The following RC3H2 variants were observed in gnomAD, a reference collection of about 807,000 sequenced individuals.
The protein encoded by RC3H2 is ring finger and CCCH-type domains 2.
A neutral mutation model predicts 133.3 loss-of-function variants in RC3H2; 31 were observed. The ratio of observed to expected loss-of-function variants is 0.23; its 90% CI spans 0.17 to 0.31. The LOEUF (loss-of-function observed/expected upper bound fraction) is 0.31. Among genes scored for constraint, RC3H2 ranks in the 10% least tolerant of loss-of-function variants. The pLI is 1.00. For synonymous variants in RC3H2, 517 were observed against 502.2 expected, an observed-to-expected ratio of 1.03 and a Z score of -0.40; for missense variants, 1,175 against 1,437.2, an observed-to-expected ratio of 0.82 and a Z score of 2.95.
At chr9:122,850,554 T>C (rs899222886) in intron 20 of RC3H2, among the ~76,000 whole-genome samples, 2 of 152,014 alleles carry the variant, frequency 1.3e-5, no homozygotes, top group African/African-American at 4.8e-5. Flanking sequence ...GCGATTCTCC[T>C]GCCTCAGCCT....
chr9:122,856,657 GAGATAAA>G lies in RC3H2; in HGVS notation c.2455-786_2455-780del, dbSNP rs1219434168. Among the ~76,000 whole-genome samples the G allele has an allele frequency of 3.9e-4, 60 of 152,304 alleles. 1 individual carries two copies. The highest frequency in any genetic ancestry group is 1.4e-3 in the African/African-American group (57 of 41,562). ...CAAAAGGAATTCAAAGGAGGCTCTGGAGATAAAGGGGAAATGAATAAATTTTAAAGGG... is the reference window on the plus strand; with the variant it reads ...CAAAAGGAATTCAAAGGAGGCTCTGGGGGGAAATGAATAAATTTTAAAGGG... On this transcript the variant is annotated intron_variant, in intron 13 of 20. Transcript: ENST00000357244.
chr9:122,872,195 T>C (rs758503571), intron 9 of RC3H2, among the ~76,000 whole-genome samples: 12 of 152,252 alleles, frequency 7.9e-5, no homozygotes, highest in Non-Finnish European at 1.8e-4. Flanking sequence ...CACTAAGTTA[T>C]GCAGGCTCCA....
chr9:122,880,735 A>G lies in RC3H2; in HGVS notation c.819T>C (p.Tyr273=), dbSNP rs367552001. Residue 273 remains tyrosine (Y), a synonymous_variant, in exon 6 of 21, where the codon TAT becomes TAC. Transcript: ENST00000357244. ...LMQLKEEFRS[Y]EALRREHDAQ... ...CATCATGTTCTCTGCGTAATGCTTC[A>G]TAACTCCGAAATTCCTCCTTCAGCT... 72 of 1,614,138 alleles carry G rather than the reference A, an allele frequency of 4.5e-5. No individual in the cohort carries two copies. The African/African-American group carries it at 7.7e-4, about 17-fold the overall frequency.
At chr9:122,896,594 A>G (rs1461023457) in intron 2 of RC3H2, among the ~76,000 whole-genome samples, 2 of 152,236 alleles carry the variant, frequency 1.3e-5, no homozygotes, top group Non-Finnish European at 2.9e-5. Flanking sequence ...AAAATCAGGT[A>G]CATTGAAATT....
At chr9:122,864,588 T>G (rs1434998873) in intron 10 of RC3H2, among the ~76,000 whole-genome samples, 1 of 151,672 alleles carries the variant, frequency 6.6e-6, no homozygotes, top group East Asian at 1.9e-4. Context: ...AGCCAGAACT[T>G]GAAAGCCCAG....
Position 122,848,525 on chromosome 9 carries a change from A to C in RC3H2, c.*1102T>G, listed in dbSNP as rs1829914569. On this transcript the variant is annotated 3_prime_UTR_variant, in exon 21 of 21. Coordinates refer to ENST00000357244, the MANE Select transcript of RC3H2 (RefSeq NM_001100588.3). ...ATGAATAAATGTTAGCCACTGTTCT[A>C]CTATTACACAGTTCATAGTCTTATC... The C allele has an allele frequency of 6.6e-6, 1 of 152,200 alleles. No homozygotes were observed. The highest frequency in any genetic ancestry group is 1.5e-5 in the Non-Finnish European group (1 of 68,008). The allele number at this position is 152,200 out of a possible 1,614,324, so 9.4% of individuals were successfully genotyped here.
chr9:122,865,682 T>A (rs1292698916), intron 9 of RC3H2, 25 bp from the exon 10 acceptor site: 1 of 1,588,144 alleles, frequency 6.3e-7, no homozygotes, highest in Non-Finnish European at 8.6e-7. Context: ...ATCAACAGAT[T>A]GGTGAATATT....
chr9:122,846,907 C>CA lies in RC3H2; in HGVS notation c.*2719dup, dbSNP rs1278723706. ...CCTTTCTTCGAAAGTGGCAGAGAAC[C>CA]AATGGCTTTACTTCACATTAAGCCC... On this transcript the variant is annotated 3_prime_UTR_variant, in exon 21 of 21. Coordinates refer to ENST00000357244, the MANE Select transcript of RC3H2 (RefSeq NM_001100588.3). The CA allele has an allele frequency of 6.6e-6, 1 of 152,096 alleles. No homozygotes were observed. Among genetic ancestry groups the CA allele is most frequent in the Admixed American group, 6.5e-5 (1 of 15,270 alleles). The allele number at this position is 152,096 out of a possible 1,614,324, so 9.4% of individuals were successfully genotyped here.
intron 1 of RC3H2, among the ~76,000 whole-genome samples, chr9:122,898,423 A>G (rs1345463091): frequency 6.6e-6 from 1 of 152,164 alleles, no homozygotes; most frequent in African/African-American, 2.4e-5. Flanking sequence ...CACATAGAAA[A>G]AAACAGTGAG....
At chr9:122,866,818 G>A (rs894545568) in intron 9 of RC3H2, among the ~76,000 whole-genome samples, 2 of 152,164 alleles carry the variant, frequency 1.3e-5, no homozygotes, top group South Asian at 2.1e-4. Context: ...GCCTATGCCC[G>A]GCCGCCACCC....
chr9:122,882,186 A>C (rs535256042), intron 5 of RC3H2, among the ~76,000 whole-genome samples: 2 of 152,214 alleles, frequency 1.3e-5, no homozygotes, highest in African/African-American at 2.4e-5. Context: ...AGTAAAAAAA[A>C]CTACACATTC....
intron 9 of RC3H2, among the ~76,000 whole-genome samples, chr9:122,871,217 T>G (rs960601952): frequency 6.6e-6 from 1 of 152,182 alleles, no homozygotes; most frequent in African/African-American, 2.4e-5. Context: ...TCAAGCCCAT[T>G]TGCCTTCCTC....
At chr9:122,875,033 C>A (rs1588085565) in intron 9 of RC3H2, 1 of 904,418 alleles carries the variant, frequency 1.1e-6, no homozygotes, top group Non-Finnish European at 1.5e-6. Context: ...AAAAGCTCCC[C>A]TTTTAGCTAA....
intron 13 of RC3H2, among the ~76,000 whole-genome samples, chr9:122,856,914 C>T (rs1276279357): frequency 7.2e-5 from 11 of 152,208 alleles, no homozygotes; most frequent in African/African-American, 2.4e-5. Flanking sequence ...CAAGTGGCAT[C>T]TAGCAAGCAA....
intron 10 of RC3H2, among the ~76,000 whole-genome samples, chr9:122,864,492 C>A (rs1444840316): frequency 2.6e-5 from 4 of 152,026 alleles, no homozygotes; most frequent in Non-Finnish European, 5.9e-5. Flanking sequence ...GAAGTTGACA[C>A]CATTATAATT....
chr9:122,856,052 A>T (rs1830237234), intron 13 of RC3H2, among the ~76,000 whole-genome samples, 174 bp from the exon 14 acceptor site: 1 of 152,206 alleles, frequency 6.6e-6, no homozygotes, highest in Non-Finnish European at 1.5e-5. Flanking sequence ...TTTACAATAG[A>T]AAATGGCATG....
intron 15 of RC3H2, 26 bp downstream of exon 15, chr9:122,855,158 G>A: frequency 6.5e-7 from 1 of 1,529,882 alleles, no homozygotes; most frequent in Non-Finnish European, 9.1e-7. Flanking sequence ...GAACATATCA[G>A]GCTAGGTATT....
At chr9:122,852,270 C>A (rs1279786378) in intron 18 of RC3H2, among the ~76,000 whole-genome samples, 2 of 150,804 alleles carry the variant, frequency 1.3e-5, no homozygotes, top group Non-Finnish European at 3.0e-5. Context: ...GCAGCCGCCC[C>A]GTATGAGAAG....
chr9:122,849,867 C>G, intron 20 of RC3H2, 45 bp from the exon 21 acceptor site: 1 of 1,398,254 alleles, frequency 7.2e-7, no homozygotes, highest in Non-Finnish European at 9.7e-7. Context: ...GCTTTAAGTG[C>G]AAACTGTTAA....
Sources: gnomAD v4.1 joint callset for allele counts (sites outside exome capture counted in the v4.1 genomes callset) on GRCh38, gnomAD v4.1.1 for gene constraint, MANE v1.5 for transcripts, NCBI Gene and HGNC (gene_info 2026-07-23, HGNC 2026-07-21) for gene names.